Variants in UNC5A observed in about 807,000 individuals in gnomAD.
The protein encoded by UNC5A is netrin receptor UNC5A.
A neutral mutation model predicts 87.4 loss-of-function variants in UNC5A; 20 were observed. The ratio of observed to expected loss-of-function variants is 0.23; its 90% CI spans 0.16 to 0.33. The LOEUF is 0.33. Ranked by LOEUF, UNC5A falls within the 10% of genes least tolerant of loss-of-function variation. UNC5A has a pLI of 1.00. For missense variants in UNC5A, 844 were observed against 1,133.4 expected (o/e 0.74, Z 3.67); for synonymous variants, 438 against 482.3 (o/e 0.91, Z 1.20).
rs1757938653 is a variant in UNC5A at position 176,865,075 on chromosome 5, G to C, written c.292+2230G>C. ...ATCCTGCCCCTTGCAGATTGGTCGG[G>C]GGAAGCCATGAAATCTCACGTGCCC... On this transcript the variant is annotated intron_variant, in intron 2 of 14. Coordinates refer to ENST00000329542, the MANE Select transcript of UNC5A (RefSeq NM_133369.3). This position sits in a 1 kb window ranked among gnomAD's most constrained non-coding sequence, Gnocchi z 5.3. The C allele has an allele frequency of 3.0e-6, 1 of 333,048 alleles. No individual in the cohort carries two copies. The allele number at this position is 333,048 out of a possible 1,614,324, so 20.6% of individuals were successfully genotyped here. A position where few individuals can be genotyped will look rare whatever the true frequency, so the allele number is the denominator to read the frequency against.
chr5:176,865,822 T>C lies in UNC5A; in HGVS notation c.293-2308T>C, dbSNP rs1361038511. 1 of 369,398 alleles carries C rather than the reference T, an allele frequency of 2.7e-6. No individual in the cohort carries two copies. Among genetic ancestry groups the C allele is most frequent in the East Asian group, 7.5e-5 (1 of 13,422 alleles). 22.9% of individuals were successfully genotyped at this position (369,398 alleles called of 1,614,324 possible). A position where few individuals can be genotyped will look rare whatever the true frequency, so the allele number is the denominator to read the frequency against. ...ACACCCAGGAGAGCACCTACTTCCC[T>C]CTCGTTTGCCCTCATTCCTCACCCA... On this transcript the variant is annotated intron_variant, in intron 2 of 14. Coordinates refer to ENST00000329542, the MANE Select transcript of UNC5A (RefSeq NM_133369.3). The surrounding 1 kb of genome is among the most constrained non-coding windows in gnomAD (Gnocchi z 5.3).
chr5:176,820,373 G>A (rs1020030972), intron 1 of UNC5A, among the ~76,000 whole-genome samples: 1 of 151,964 alleles, frequency 6.6e-6, no homozygotes, highest in South Asian at 2.1e-4. Flanking sequence ...CTCCAGCCTG[G>A]GTGAGAGAGT....
rs991301127 is a variant in UNC5A at position 176,823,302 on chromosome 5, G to A, written c.70+12482G>A. Among the ~76,000 whole-genome samples the A allele has an allele frequency of 5.3e-5, 8 of 152,086 alleles. No individual in the cohort carries two copies. The East Asian group carries it at 5.8e-4, about 11-fold the overall frequency. The stretch of plus-strand genomic sequence containing the variant: ...AGAAGCTGAAAGAGCAAGAGGCTCC[G>A]CCCAGGGAGCTCCACCCTGCCAGGC... On this transcript the variant is annotated intron_variant, in intron 1 of 14. Transcript: ENST00000329542.
In UNC5A at chr5:176,869,446, G is replaced by A. The variant is rs983253851; in HGVS notation, c.721+482G>A. Among the ~76,000 whole-genome samples the A allele has an allele frequency of 3.9e-5, 6 of 152,194 alleles. 1 individual carries two copies. Among genetic ancestry groups the A allele is most frequent in the Middle Eastern group, 6.8e-3 (2 of 294 alleles). On this transcript the variant is annotated intron_variant, in intron 5 of 14. Coordinates refer to ENST00000329542, the MANE Select transcript of UNC5A (RefSeq NM_133369.3). This position sits in a 1 kb window ranked among gnomAD's most constrained non-coding sequence, Gnocchi z 9.1. Reference sequence around the variant, plus strand: ...CTGTGGCGTGCGTGCTGCAGGGCCCGGGGGCCAGCAGGCACGAGCATGGCC... The same window carrying A: ...CTGTGGCGTGCGTGCTGCAGGGCCCAGGGGCCAGCAGGCACGAGCATGGCC...
At chr5:176,817,517 G>A (rs1756619805) in intron 1 of UNC5A, among the ~76,000 whole-genome samples, 1 of 152,154 alleles carries the variant, frequency 6.6e-6, no homozygotes, top group Non-Finnish European at 1.5e-5. Flanking sequence ...CAGTGGAGCC[G>A]AGGGGCCAGT....
Position 176,878,144 on chromosome 5 carries a change from AC to A in UNC5A, c.1869+23del, listed in dbSNP as rs765340286. The A allele has an allele frequency of 1.8e-5, 29 of 1,572,514 alleles. No homozygotes were observed. Among genetic ancestry groups the A allele is most frequent in the Non-Finnish European group, 2.4e-5 (28 of 1,163,254 alleles). ...GCACTCAAGGTATCTCCCGCCCCTC[AC>A]CCCCCGCCGCTGGGAGGCCGAGCTA... On this transcript the variant is annotated intron_variant, in intron 11 of 14. Coordinates refer to ENST00000329542, the MANE Select transcript of UNC5A (RefSeq NM_133369.3).
intron 1 of UNC5A, among the ~76,000 whole-genome samples, chr5:176,859,121 G>A (rs55802217): frequency 0.64 from 23,299 of 36,194 alleles, 7,237 homozygotes; most frequent in Non-Finnish European, 0.69. Flanking sequence ...TAGAGGGCAT[G>A]GCTGCTAGAA....
intron 1 of UNC5A, among the ~76,000 whole-genome samples, chr5:176,856,189 A>C (rs1191321690): frequency 6.6e-6 from 1 of 152,174 alleles, no homozygotes; most frequent in Non-Finnish European, 1.5e-5. Context: ...TTTAAAAATA[A>C]AACATTTGAA....
intron 9 of UNC5A, 71 bp from the exon 10 acceptor site, chr5:176,877,464 T>G: frequency 1.3e-6 from 2 of 1,508,394 alleles, no homozygotes; most frequent in Non-Finnish European, 1.8e-6. Context: ...GCCCTGCCCT[T>G]GGCCTAGCCC....
At position 176,869,576 on chromosome 5, in the gene UNC5A, C is replaced by T. The variant is rs1181583747; in HGVS notation, c.721+612C>T. 4.4e-6 allele frequency: 3 copies of T among 684,142 alleles called. No homozygotes were observed. Among genetic ancestry groups the T allele is most frequent in the East Asian group, 5.4e-5 (2 of 36,950 alleles). The allele number at this position is 684,142 out of a possible 1,614,324, so 42.4% of individuals were successfully genotyped here. On this transcript the variant is annotated intron_variant, in intron 5 of 14. Coordinates refer to ENST00000329542, the MANE Select transcript of UNC5A (RefSeq NM_133369.3). The surrounding 1 kb of genome is among the most constrained non-coding windows in gnomAD (Gnocchi z 9.1). ...CCTGGGCCAGTGTATCTGAGGACGC[C>T]CCCGCTCCCTGACCCCAGTCCTTCT... is the stretch of plus-strand genomic sequence containing the variant.
chr5:176,869,489 C>T lies in UNC5A; in HGVS notation c.721+525C>T, dbSNP rs1758057866. 1.7e-6 allele frequency: 1 copy of T among 588,604 alleles called. No homozygotes were observed. The highest frequency in any genetic ancestry group is 2.0e-5 in the South Asian group (1 of 51,206). 36.5% of individuals were successfully genotyped at this position (588,604 alleles called of 1,614,324 possible). A position where few individuals can be genotyped will look rare whatever the true frequency, so the allele number is the denominator to read the frequency against. ...GCATGGCCTCCCCCAGGCCTTCTCT[C>T]CCAGCTCAGCCACAGCCCACCCGTG... On this transcript the variant is annotated intron_variant, in intron 5 of 14. Transcript: ENST00000329542. This position sits in a 1 kb window ranked among gnomAD's most constrained non-coding sequence, Gnocchi z 9.1.
chr5:176,880,162 G>A lies in UNC5A; in HGVS notation c.*276G>A, dbSNP rs746774142. On this transcript the variant is annotated 3_prime_UTR_variant, in exon 15 of 15. Coordinates refer to ENST00000329542, the MANE Select transcript of UNC5A (RefSeq NM_133369.3). Reference sequence around the variant, plus strand: ...TGGGCCAGGCCCAGCCCATCTGTGTGTGTGTATGTGCGTGTGATGCTACCT... The same window carrying A: ...TGGGCCAGGCCCAGCCCATCTGTGTATGTGTATGTGCGTGTGATGCTACCT... 9.2e-5 allele frequency: 40 copies of A among 436,146 alleles called. No homozygotes were observed. Among genetic ancestry groups the A allele is most frequent in the Non-Finnish European group, 3.8e-5 (9 of 239,214 alleles). The allele number at this position is 436,146 out of a possible 1,614,324, so 27.0% of individuals were successfully genotyped here.
At chr5:176,868,716 C>T (rs1304644965) in intron 4 of UNC5A, 52 bp downstream of exon 4, 1 of 1,589,094 alleles carries the variant, frequency 6.3e-7, no homozygotes, top group Non-Finnish European at 8.6e-7. Flanking sequence ...GCCTGGTCAC[C>T]CTGGCAGGGG....
chr5:176,813,366 C>T (rs1200079679), intron 1 of UNC5A, among the ~76,000 whole-genome samples: 1 of 152,220 alleles, frequency 6.6e-6, no homozygotes, highest in African/African-American at 2.4e-5. Context: ...CTGGCTCCTC[C>T]TTCTCAGACC....
chr5:176,831,419 A>T (rs1418910725), intron 1 of UNC5A, among the ~76,000 whole-genome samples: 1 of 152,128 alleles, frequency 6.6e-6, no homozygotes, highest in Non-Finnish European at 1.5e-5. Context: ...TACCCAACAC[A>T]GCGGGGATAC....
chr5:176,858,782 A>G (rs55688831), intron 1 of UNC5A, among the ~76,000 whole-genome samples: 108,748 of 131,662 alleles, frequency 0.83, 45,419 homozygotes, highest in Non-Finnish European at 0.89. Context: ...AAGGCAAGCA[A>G]GCAGGCAGGG....
In UNC5A at chr5:176,820,059, G is replaced by A. The variant is rs967052118; in HGVS notation, c.70+9239G>A. On this transcript the variant is annotated intron_variant, in intron 1 of 14. Coordinates refer to ENST00000329542, the MANE Select transcript of UNC5A (RefSeq NM_133369.3). ...GGGCGGATCACGAGGTCAGGAGATC[G>A]AGACCATCCTGGCTAACACGGTGAA... is the stretch of plus-strand genomic sequence containing the variant. 9.2e-5 allele frequency among the ~76,000 whole-genome samples: 14 copies of A among 152,154 alleles called. No homozygotes were observed. The East Asian group carries it at 1.9e-3, about 21-fold the overall frequency.
In UNC5A at chr5:176,874,322, G is replaced by C. The variant is rs759436336; in HGVS notation, c.1134G>C (p.Gln378His). ...PDLSTTTTTYQGSLCPRQDGP... is the reference protein window; with the variant it reads ...PDLSTTTTTYHGSLCPRQDGP... ...TCAGCACCACCACCACCACCTACCA[G>C]GGCAGTCTCTGTCCCCGGCAGGATG... The change falls in exon 8 of 15, where the codon CAG (glutamine) becomes CAC (histidine). Residue 378 changes from glutamine (Q) to histidine (H), a missense_variant. This residue lies in a region of UNC5A where 353 missense variants were observed against 387.5 expected (regional missense o/e 0.91). Transcript: ENST00000329542. The surrounding 1 kb of genome is among the most constrained non-coding windows in gnomAD (Gnocchi z 7.6). 6.2e-7 allele frequency: 1 copy of C among 1,612,148 alleles called. No individual in the cohort carries two copies. The highest frequency in any genetic ancestry group is 8.5e-7 in the Non-Finnish European group (1 of 1,178,976).
chr5:176,858,721 G>GAGAAGGAAGGAAGGAA (rs1757728239), intron 1 of UNC5A, among the ~76,000 whole-genome samples: 1 of 4,324 alleles, frequency 2.3e-4, no homozygotes, highest in Admixed American at 4.0e-3. Flanking sequence ...AAGAGAGAGA[G>GAGAAGGAAGGAAGGAA]AGAAGGAAGG....
Sources: allele counts gnomAD v4.1 joint callset (sites outside exome capture counted in the v4.1 genomes callset), GRCh38; gene constraint gnomAD v4.1.1; regional missense constraint gnomAD v4.1.1; non-coding constraint Gnocchi (gnomAD v3.1); transcripts MANE v1.5; gene names NCBI Gene and HGNC (gene_info 2026-07-23, HGNC 2026-07-21).